Variants in CDHR2 observed in about 807,000 individuals in gnomAD.
CDHR2 encodes the protein cadherin-related family member 2.
In CDHR2, 104 loss-of-function variants were observed where a neutral mutation model predicts 138.6. The ratio of observed to expected loss-of-function variants is 0.75; its 90% CI spans 0.64 to 0.88. The LOEUF is 0.88. CDHR2 is among the 40% of genes least tolerant of loss of function. The pLI, the probability that CDHR2 is intolerant of heterozygous loss-of-function variation, is 0.00. For synonymous variants in CDHR2, 755 were observed against 742.8 expected (o/e 1.02, Z -0.27); for missense variants, 1,624 against 1,727.6 (o/e 0.94, Z 1.06).
chr5:176,555,734 C>A (rs1380522957), intron 1 of CDHR2, among the ~76,000 whole-genome samples: 1 of 152,052 alleles, frequency 6.6e-6, no homozygotes, highest in African/African-American at 2.4e-5. Flanking sequence ...TGGCAAAACC[C>A]CATCTCTACT....
At chr5:176,573,488 AT>A (rs760755347) in intron 6 of CDHR2, among the ~76,000 whole-genome samples, 13 of 148,030 alleles carry the variant, frequency 8.8e-5, no homozygotes, top group African/African-American at 2.5e-4. Context: ...AAAAATATAT[AT>A]AAAAAAAATT....
Position 176,591,452 on chromosome 5 carries a change from C to T in CDHR2, c.3702C>T (p.Tyr1234=), listed in dbSNP as rs868256536. The change falls in exon 30 of 32, where the codon TAC becomes TAT. Residue 1234 remains tyrosine (Y), a synonymous_variant. Coordinates refer to ENST00000261944, the MANE Select transcript of CDHR2 (RefSeq NM_017675.6). Reference sequence around the variant, plus strand: ...CCAACAAAGACCTGGGCTTGGAGTACCTCTCTCCCTCCAATGACCTGGACT... The same window carrying T: ...CCAACAAAGACCTGGGCTTGGAGTATCTCTCTCCCTCCAATGACCTGGACT... ...NLPNKDLGLE[Y]LSPSNDLDSV... is the part of the protein sequence containing the mutation. 1 of 1,613,886 alleles carries T rather than the reference C, an allele frequency of 6.2e-7. No homozygotes were observed. The highest frequency in any genetic ancestry group is 8.5e-7 in the Non-Finnish European group (1 of 1,179,938).
At chr5:176,570,691 C>T (rs893501969) in intron 5 of CDHR2, among the ~76,000 whole-genome samples, 1 of 152,186 alleles carries the variant, frequency 6.6e-6, no homozygotes, top group African/African-American at 2.4e-5. Context: ...GTGGTGCACG[C>T]CTGTAATCCC....
At chr5:176,586,088 C>A in intron 20 of CDHR2, 63 bp downstream of exon 20, 1 of 1,338,686 alleles carries the variant, frequency 7.5e-7, no homozygotes, top group Non-Finnish European at 1.1e-6. Context: ...TGAGCAACCC[C>A]GACAGACCCT....
chr5:176,548,273 C>T (rs1757627999), upstream of CDHR2, among the ~76,000 whole-genome samples: 1 of 152,174 alleles, frequency 6.6e-6, no homozygotes, highest in Non-Finnish European at 1.5e-5. Context: ...TTAGACATGT[C>T]CTCTGCCCAC....
intron 6 of CDHR2, among the ~76,000 whole-genome samples, chr5:176,573,484 A>AT (rs1254179475): frequency 1.6e-5 from 2 of 128,790 alleles, no homozygotes; most frequent in Admixed American, 7.7e-5. Context: ...TATTAAAAAT[A>AT]TATATAAAAA....
intron 4 of CDHR2, 36 bp downstream of exon 4, chr5:176,568,853 G>GA: frequency 6.2e-7 from 1 of 1,612,768 alleles, no homozygotes; most frequent in Non-Finnish European, 8.5e-7. Context: ...ACGGGACGCG[G>GA]AGGGGGTGCT....
rs910989707 is a variant in CDHR2 at position 176,543,436 on chromosome 5, T to G, written c.-16+667T>G. On this transcript the variant is annotated intron_variant, in intron 1 of 31. Transcript: ENST00000510636. This position sits in a 1 kb window ranked among gnomAD's most constrained non-coding sequence, Gnocchi z 4.0. ...CCGGGCGCGCGGGGCCCACACCGGC[T>G]GCGCAGCTTCCAGGACCCCCGCCCC... 6 of 151,562 alleles carry G rather than the reference T, an allele frequency of 4.0e-5. No homozygotes were observed. Among genetic ancestry groups the G allele is most frequent in the Non-Finnish European group, 5.9e-5 (4 of 67,838 alleles). 9.4% of individuals were successfully genotyped at this position (151,562 alleles called of 1,614,324 possible). A position where few individuals can be genotyped will look rare whatever the true frequency, so the allele number is the denominator to read the frequency against.
intron 31 of CDHR2, among the ~76,000 whole-genome samples, chr5:176,593,187 G>A (rs1277935396): frequency 6.6e-6 from 1 of 152,230 alleles, no homozygotes; most frequent in Non-Finnish European, 1.5e-5. Context: ...GCATAGTCTA[G>A]CAAAGGAGAG....
intron 19 of CDHR2, among the ~76,000 whole-genome samples, chr5:176,585,654 G>A (rs547992743): frequency 6.6e-6 from 1 of 152,356 alleles, no homozygotes; most frequent in African/African-American, 2.4e-5. Flanking sequence ...CTGCTTATCT[G>A]CTCTGAGGTC....
At chr5:176,546,047 G>A (rs1237340172), upstream of CDHR2, among the ~76,000 whole-genome samples, 3 of 152,252 alleles carry the variant, frequency 2.0e-5, no homozygotes, top group Non-Finnish European at 2.9e-5. Flanking sequence ...TGCCCTATTT[G>A]GGGCACAGCA....
intron 16 of CDHR2, among the ~76,000 whole-genome samples, chr5:176,580,130 GCACTCACACACGCACTCACACACA>G (rs1329745847): frequency 3.0e-4 from 46 of 151,474 alleles, no homozygotes; most frequent in African/African-American, 9.0e-4. Flanking sequence ...ACTCACGCAC[GCACTCACACACGCACTCACACACA>G]CACTCACACA....
At chr5:176,592,061 T>C (rs1465487861) in intron 30 of CDHR2, among the ~76,000 whole-genome samples, 1 of 145,454 alleles carries the variant, frequency 6.9e-6, no homozygotes, top group Non-Finnish European at 1.5e-5. Flanking sequence ...ATGGTGGTCA[T>C]GGTAGTGGTG....
intron 5 of CDHR2, among the ~76,000 whole-genome samples, chr5:176,570,888 T>C (rs1758209977): frequency 1.3e-5 from 2 of 150,778 alleles, no homozygotes; most frequent in African/African-American, 2.4e-5. Flanking sequence ...GAGGCGGAGG[T>C]TGCATTGAGA....
In CDHR2 at chr5:176,589,160, G is replaced by C. The variant is rs201059035; in HGVS notation, c.2986G>C (p.Asp996His). Reference sequence around the variant, plus strand: ...CTCGATCTTCACCTCCTCCGAGGCCGACGTGTTCGCTGGGAGCATTCAGTA... The same window carrying C: ...CTCGATCTTCACCTCCTCCGAGGCCCACGTGTTCGCTGGGAGCATTCAGTA... Reference protein sequence around the residue: ...VFSIFTSSEADVFAGSIQPVT... With the variant: ...VFSIFTSSEAHVFAGSIQPVT... The change falls in exon 22 of 32, where the codon GAC becomes CAC. Residue 996 changes from aspartate (D) to histidine (H), a missense_variant. Physicochemically the swap from Asp to His is moderately conservative, Grantham distance 81. This residue lies in a region of CDHR2 where 556 missense variants were observed against 565.7 expected (regional missense o/e 0.98). Coordinates refer to ENST00000261944, the MANE Select transcript of CDHR2 (RefSeq NM_017675.6). 1.2e-4 allele frequency: 194 copies of C among 1,614,160 alleles called. 1 individual carries two copies. The Admixed American group carries it at 3.2e-3, about 27-fold the overall frequency.
intron 12 of CDHR2, among the ~76,000 whole-genome samples, 188 bp from the exon 13 acceptor site, chr5:176,577,211 A>T (rs11959522): frequency 2.6e-5 from 4 of 151,640 alleles, no homozygotes; most frequent in Non-Finnish European, 4.4e-5. Flanking sequence ...TGTCTTCTAC[A>T]GAGCCTGCAT....
At chr5:176,551,408 A>C (rs1259800640) in intron 1 of CDHR2, among the ~76,000 whole-genome samples, 3 of 152,186 alleles carry the variant, frequency 2.0e-5, no homozygotes, top group Non-Finnish European at 2.9e-5. Flanking sequence ...GAGAGCAGGG[A>C]AACAACAGTA....
At chr5:176,592,271 ATGATGGTGGTGATGG>A (rs1190015791) in intron 30 of CDHR2, among the ~76,000 whole-genome samples, 6 of 107,000 alleles carry the variant, frequency 5.6e-5, no homozygotes, top group East Asian at 7.3e-4. Context: ...TGTTGAGGTG[ATGATGGTGGTGATGG>A]TGATGGTGGT....
chr5:176,585,299 C>T (rs572020850), intron 19 of CDHR2, among the ~76,000 whole-genome samples: 1 of 152,120 alleles, frequency 6.6e-6, no homozygotes, highest in Admixed American at 6.5e-5. Context: ...CATTATTTTA[C>T]AAGATGCTGT....
Sources: gnomAD v4.1 joint callset for allele counts (sites outside exome capture counted in the v4.1 genomes callset) on GRCh38, gnomAD v4.1.1 for gene constraint, gnomAD v4.1.1 regional missense constraint, Gnocchi (gnomAD v3.1) non-coding constraint, MANE v1.5 for transcripts, NCBI Gene and HGNC (gene_info 2026-07-23, HGNC 2026-07-21) for gene names.